GOSR2: variants seen among roughly 807,000 people sequenced by gnomAD.
The protein encoded by GOSR2 is golgi SNAP receptor complex member 2.
A neutral mutation model predicts 27.9 loss-of-function variants in GOSR2; 20 were observed. The observed-to-expected ratio is 0.72, with a 90% CI of 0.50 to 1.04. The LOEUF is 1.04. Ranked by LOEUF, GOSR2 falls within the 50% of genes least tolerant of loss-of-function variation. GOSR2 has a pLI of 0.00. For missense variants in GOSR2, 261 were observed against 270.5 expected (o/e 0.97, Z 0.25); for synonymous variants, 91 against 98.8 (o/e 0.92, Z 0.47).
downstream of GOSR2, among the ~76,000 whole-genome samples, chr17:46,969,566 A>G (rs3851786): frequency 0.45 from 68,022 of 152,108 alleles, 15,437 homozygotes; most frequent in Middle Eastern, 0.52. Context: ...TCCCTGCTCC[A>G]GGCTGGGACC....
At chr17:46,936,123 T>G (rs2088296478) in intron 5 of GOSR2, 6 of 985,818 alleles carry the variant, frequency 6.1e-6, no homozygotes, top group African/African-American at 1.7e-5. Context: ...GTGTCTCAGA[T>G]GGCCTGGAAG....
At chr17:46,971,764 C>T (rs572905160), downstream of GOSR2, among the ~76,000 whole-genome samples, 251 of 152,346 alleles carry the variant, frequency 1.6e-3, 1 homozygote, top group African/African-American at 4.5e-3. Context: ...TTGTCTCTCA[C>T]GCCTCAAGCT....
chr17:46,943,141 G>C (rs1192227357), downstream of GOSR2, among the ~76,000 whole-genome samples: 1 of 152,164 alleles, frequency 6.6e-6, no homozygotes, highest in Non-Finnish European at 1.5e-5. Flanking sequence ...ATCAACCCAA[G>C]GCTAGCCCGT....
chr17:46,963,121 GA>G (rs1443667099), intron 6 of GOSR2, among the ~76,000 whole-genome samples: 3 of 152,218 alleles, frequency 2.0e-5, no homozygotes, highest in African/African-American at 7.2e-5. Context: ...GCTGAGGGAT[GA>G]AAAACACAAG....
At chr17:46,950,727 G>A (rs1259665614) in intron 6 of GOSR2, among the ~76,000 whole-genome samples, 1 of 152,172 alleles carries the variant, frequency 6.6e-6, no homozygotes, top group East Asian at 1.9e-4. Flanking sequence ...GGACTGGTCT[G>A]TGTGGGGGCA....
At position 46,940,044 on chromosome 17, in the gene GOSR2, A is replaced by G. The variant is rs969888815; in HGVS notation, c.*1284A>G. 1 of 1,064,904 alleles carries G rather than the reference A, an allele frequency of 9.4e-7. No individual in the cohort carries two copies. Among genetic ancestry groups the G allele is most frequent in the African/African-American group, 1.7e-5 (1 of 60,490 alleles). 66.0% of individuals were successfully genotyped at this position (1,064,904 alleles called of 1,614,324 possible). A position where few individuals can be genotyped will look rare whatever the true frequency, so the allele number is the denominator to read the frequency against. ...ACCCTACCTTTGGTTGTCCTGCCCT[A>G]CCTGCTCTGTTAGTTTCTTGTTGCT... On this transcript the variant is annotated 3_prime_UTR_variant, in exon 6 of 6. Transcript: ENST00000640051.
intron 1 of GOSR2, among the ~76,000 whole-genome samples, chr17:46,927,387 C>G (rs972980639): frequency 2.0e-5 from 3 of 151,974 alleles, no homozygotes; most frequent in African/African-American, 7.3e-5. Context: ...TCAGATGTAT[C>G]CATCTTTTTC....
intron 5 of GOSR2, chr17:46,935,422 C>T: frequency 7.0e-7 from 1 of 1,423,046 alleles, no homozygotes; most frequent in South Asian, 1.6e-5. Context: ...TTCCCATTTA[C>T]TGAACTTATC....
At position 46,934,799 on chromosome 17, in the gene GOSR2, GTGGAGTGGAAC is replaced by G. The variant is rs778402387; in HGVS notation, c.337-228_337-218del. Among the ~76,000 whole-genome samples, 725 of 152,354 alleles carry G rather than the reference GTGGAGTGGAAC, an allele frequency of 4.8e-3. 1 individual carries two copies. Among genetic ancestry groups the G allele is most frequent in the Non-Finnish European group, 7.5e-3 (511 of 68,026 alleles). On this transcript the variant is annotated intron_variant, in intron 4 of 5. Coordinates refer to ENST00000640051, the MANE Select transcript of GOSR2 (RefSeq NM_004287.5). ...AGTATCGTTGGAATGAACGATACTT[GTGGAGTGGAAC>G]TCATTTGGAGAGTGACAGATCTGAG...
At chr17:46,971,150 C>T (rs148251782), downstream of GOSR2, among the ~76,000 whole-genome samples, 220 of 152,100 alleles carry the variant, frequency 1.4e-3, 1 homozygote, top group Middle Eastern at 6.8e-3. Context: ...CCAGCGTGGC[C>T]GACATGGTGA....
At chr17:46,933,624 G>A (rs1429945774) in intron 4 of GOSR2, 2 of 101,724 alleles carry the variant, frequency 2.0e-5, no homozygotes, top group Non-Finnish European at 3.8e-5. Flanking sequence ...AGAAACAGTG[G>A]CATAACCTTT....
rs2089177260 is a variant in GOSR2 at position 46,940,871 on chromosome 17, T to C, written c.*2111T>C. The C allele has an allele frequency of 1.4e-6, 2 of 1,416,216 alleles. No homozygotes were observed. The highest frequency in any genetic ancestry group is 1.5e-5 in the South Asian group (1 of 67,482). 87.7% of individuals were successfully genotyped at this position (1,416,216 alleles called of 1,614,324 possible). A position where few individuals can be genotyped will look rare whatever the true frequency, so the allele number is the denominator to read the frequency against. On this transcript the variant is annotated 3_prime_UTR_variant, in exon 6 of 6. Coordinates refer to ENST00000640051, the MANE Select transcript of GOSR2 (RefSeq NM_004287.5). Reference sequence around the variant, plus strand: ...GACACCCAGGGGCATTGAGACTGCATGTTGTCACATGACCACTTCTCTTCA... The same window carrying C: ...GACACCCAGGGGCATTGAGACTGCACGTTGTCACATGACCACTTCTCTTCA...
rs756390829 is a variant in GOSR2, at chr17:46,940,665, T to C, written c.*1905T>C. The C allele has an allele frequency of 4.3e-6, 7 of 1,612,806 alleles. No individual in the cohort carries two copies. Among genetic ancestry groups the C allele is most frequent in the Non-Finnish European group, 5.1e-6 (6 of 1,179,628 alleles). ...CAGAAGTCCCCGCACCCATCATGCG[T>C]GGACTGATAGGACATCTTTTCGTGG... On this transcript the variant is annotated 3_prime_UTR_variant, in exon 6 of 6. Coordinates refer to ENST00000640051, the MANE Select transcript of GOSR2 (RefSeq NM_004287.5).
chr17:46,971,573 A>G (rs2091393156), downstream of GOSR2, among the ~76,000 whole-genome samples: 1 of 152,170 alleles, frequency 6.6e-6, no homozygotes, highest in South Asian at 2.1e-4. Context: ...GAATACATGT[A>G]TGTACATGTA....
chr17:46,944,133 G>C (rs1568193939), downstream of GOSR2, among the ~76,000 whole-genome samples: 2 of 152,234 alleles, frequency 1.3e-5, no homozygotes, highest in Non-Finnish European at 2.9e-5. Flanking sequence ...GAAGACAGTG[G>C]CTGACAGTAC....
chr17:46,929,705 G>C, intron 2 of GOSR2, 121 bp downstream of exon 2: 1 of 688,458 alleles, frequency 1.5e-6, no homozygotes, highest in Middle Eastern at 3.7e-4. Flanking sequence ...GAGTTTTGTT[G>C]TTAGGGTGGA....
chr17:46,955,526 A>G (rs777001082), intron 6 of GOSR2: 2 of 152,206 alleles, frequency 1.3e-5, no homozygotes, highest in African/African-American at 2.4e-5. Context: ...TATCTCAACA[A>G]GAGTCAAATA....
intron 6 of GOSR2, among the ~76,000 whole-genome samples, chr17:46,960,319 A>C (rs1283308914): frequency 6.6e-6 from 1 of 152,254 alleles, no homozygotes; most frequent in Non-Finnish European, 1.5e-5. Context: ...CTTGGCATAC[A>C]TACAAACAAA....
At chr17:46,944,646 C>G (rs1192345371), downstream of GOSR2, among the ~76,000 whole-genome samples, 1 of 150,688 alleles carries the variant, frequency 6.6e-6, no homozygotes, top group African/African-American at 2.4e-5. Context: ...GTTGCCCAGG[C>G]TGGGGTGCAA....
Sources: gnomAD v4.1 joint callset for allele counts (sites outside exome capture counted in the v4.1 genomes callset) on GRCh38, gnomAD v4.1.1 for gene constraint, MANE v1.5 for transcripts, NCBI Gene and HGNC (gene_info 2026-07-23, HGNC 2026-07-21) for gene names.